Variants in NLRC5 observed in about 807,000 individuals in gnomAD.
NLRC5 encodes the protein protein NLRC5.
In NLRC5, 114 loss-of-function variants were observed where a neutral mutation model predicts 206.9. That is an observed-to-expected ratio of 0.55 (90% CI 0.47 to 0.64). NLRC5 has a LOEUF of 0.64. Among genes scored for constraint, NLRC5 ranks in the 30% least tolerant of loss-of-function variants. The probability of loss-of-function intolerance (pLI) is 0.00; values close to 1 mark genes in which losing one functional copy is unlikely to be tolerated. For missense variants in NLRC5, 2,008 were observed against 2,305.5 expected, an observed-to-expected ratio of 0.87 and a Z score of 2.64; for synonymous variants, 952 against 962.8, an observed-to-expected ratio of 0.99 and a Z score of 0.21.
chr16:57,059,818 T>A (rs2066187137), intron 30 of NLRC5, among the ~76,000 whole-genome samples: 1 of 152,192 alleles, frequency 6.6e-6, no homozygotes. Flanking sequence ...TTGAGGCTTC[T>A]GAGTGTCACG....
intron 15 of NLRC5, 47 bp from the exon 16 acceptor site, chr16:57,039,734 G>A (rs1163608669): frequency 2.6e-6 from 4 of 1,537,344 alleles, no homozygotes; most frequent in Non-Finnish European, 3.6e-6. Context: ...AATAGTAACA[G>A]GGAGCCAATA....
intron 1 of NLRC5, among the ~76,000 whole-genome samples, chr16:57,015,602 A>AAGTAAG (rs1452392078): frequency 0.02 from 2,002 of 97,988 alleles, 38 homozygotes; most frequent in African/African-American, 0.06. Context: ...AAATAAATAA[A>AAGTAAG]TAAATAAATA....
intron 18 of NLRC5, 137 bp downstream of exon 18, chr16:57,041,711 G>A: frequency 4.2e-6 from 3 of 718,196 alleles, no homozygotes; most frequent in South Asian, 3.5e-5. Context: ...GGAGAATCTG[G>A]TGAAAGTTGT....
At chr16:57,005,727 T>G (rs1465881250) in intron 1 of NLRC5, among the ~76,000 whole-genome samples, 2 of 152,028 alleles carry the variant, frequency 1.3e-5, no homozygotes, top group Non-Finnish European at 2.9e-5. Flanking sequence ...AAGTCTAGCT[T>G]GGGCAAGATG....
chr16:57,070,554 G>T lies in NLRC5; in HGVS notation c.4603G>T (p.Asp1535Tyr). 1 of 1,613,864 alleles carries T rather than the reference G, an allele frequency of 6.2e-7. No homozygotes were observed. Among genetic ancestry groups the T allele is most frequent in the Non-Finnish European group, 8.5e-7 (1 of 1,179,776 alleles). ...CTGCAGCTTGTCTAACAATCAATTTGATGAGGAGGGCACCAAGGCGCTGAT... is the reference window on the plus strand; with the variant it reads ...CTGCAGCTTGTCTAACAATCAATTTTATGAGGAGGGCACCAAGGCGCTGAT... The part of the protein sequence containing the change: ...EELDLSNNQF[D>Y]EEGTKALMRA... Residue 1535 changes from aspartate (D) to tyrosine (Y), a missense_variant, in exon 38 of 49, where the codon GAT (aspartate) becomes TAT (tyrosine). Asp to Tyr is a radical substitution (Grantham distance 160). Coordinates refer to ENST00000688547, the MANE Select transcript of NLRC5 (RefSeq NM_001384950.1).
At chr16:57,021,201 C>T in intron 3 of NLRC5, 194 bp downstream of exon 3, 1 of 559,396 alleles carries the variant, frequency 1.8e-6, no homozygotes, top group Non-Finnish European at 3.2e-6. Flanking sequence ...AGGACCCCTC[C>T]TTCTACCTGG....
intron 2 of NLRC5, 65 bp from the exon 3 acceptor site, chr16:57,020,636 C>A: frequency 9.9e-7 from 1 of 1,005,454 alleles, no homozygotes. Context: ...TTCCCCTGTC[C>A]CTCAGCTCAT....
At chr16:57,081,660 C>A (rs58379618) in intron 48 of NLRC5, 50 bp downstream of exon 48, 1 of 1,505,938 alleles carries the variant, frequency 6.6e-7, no homozygotes, top group South Asian at 1.1e-5. Flanking sequence ...GCTACACCAA[C>A]CCCCAGATCT....
intron 23 of NLRC5, 30 bp downstream of exon 23, chr16:57,047,658 C>A: frequency 1.9e-6 from 3 of 1,573,956 alleles, no homozygotes; most frequent in Non-Finnish European, 2.6e-6. Flanking sequence ...CCCCAGAGGG[C>A]ACCATGTGGG....
At chr16:57,062,249 C>T in intron 32 of NLRC5, 1 of 427,920 alleles carries the variant, frequency 2.3e-6, no homozygotes, top group Non-Finnish European at 4.5e-6. Flanking sequence ...ACATTTTTTT[C>T]AGTAATCACA....
chr16:57,023,028 T>C (rs1178594311), intron 4 of NLRC5, among the ~76,000 whole-genome samples: 1 of 152,192 alleles, frequency 6.6e-6, no homozygotes, highest in Non-Finnish European at 1.5e-5. Context: ...CTTTTTAATA[T>C]AGGATTTGTT....
chr16:57,049,733 C>CAAATAAATAAATAAAT (rs141407636), intron 23 of NLRC5, among the ~76,000 whole-genome samples: 1 of 145,192 alleles, frequency 6.9e-6, no homozygotes, highest in South Asian at 2.1e-4. Context: ...GACTCTGTCT[C>CAAATAAATAAATAAAT]AAATAAATAA....
At chr16:57,058,255 CAAG>C in intron 28 of NLRC5, 107 bp downstream of exon 28, 12 of 946,670 alleles carry the variant, frequency 1.3e-5, no homozygotes, top group Non-Finnish European at 1.6e-5. Context: ...CACCAGAGGA[CAAG>C]GACTGTGGAG....
intron 1 of NLRC5, among the ~76,000 whole-genome samples, chr16:56,993,130 TATACACACACACAC>T (rs2057141214): frequency 7.7e-5 from 11 of 143,412 alleles, no homozygotes; most frequent in East Asian, 2.1e-4. Context: ...TGTATATATA[TATACACACACACAC>T]ACACACACAT....
At chr16:57,043,697 C>A (rs2063570642) in intron 20 of NLRC5, 93 bp downstream of exon 20, 1 of 971,638 alleles carries the variant, frequency 1.0e-6, no homozygotes, top group East Asian at 2.4e-5. Context: ...CAGTTTCATG[C>A]CAACCTGTCA....
chr16:57,037,418 C>A, intron 15 of NLRC5, 134 bp downstream of exon 15: 1 of 770,758 alleles, frequency 1.3e-6, no homozygotes. Flanking sequence ...GACCCCGTTA[C>A]AGCCGGCACC....
intron 19 of NLRC5, among the ~76,000 whole-genome samples, chr16:57,043,206 A>G (rs1446023339): frequency 1.3e-5 from 2 of 152,138 alleles, no homozygotes; most frequent in Non-Finnish European, 2.9e-5. Context: ...TCAGGTGGAG[A>G]AAAGGAGGCC....
intron 25 of NLRC5, 64 bp downstream of exon 25, chr16:57,054,904 A>C: frequency 1.3e-6 from 2 of 1,583,432 alleles, no homozygotes; most frequent in Non-Finnish European, 1.7e-6. Flanking sequence ...TCTGGTGGGT[A>C]TGAGGGGGTA....
chr16:57,020,327 G>A (rs546741209), intron 2 of NLRC5, among the ~76,000 whole-genome samples: 37 of 96,480 alleles, frequency 3.8e-4, no homozygotes, highest in Non-Finnish European at 1.8e-4. Context: ...CCAGCTCACC[G>A]GTTCCCCAGC....
Sources: allele counts gnomAD v4.1 joint callset (sites outside exome capture counted in the v4.1 genomes callset), GRCh38; gene constraint gnomAD v4.1.1; transcripts MANE v1.5; gene names NCBI Gene and HGNC (gene_info 2026-07-23, HGNC 2026-07-21).